Variants in STX17 observed in about 807,000 individuals in gnomAD.
STX17 encodes syntaxin 17.
In STX17, 29 loss-of-function variants were observed where a neutral mutation model predicts 35.9. The ratio of observed to expected loss-of-function variants is 0.81; its 90% CI spans 0.60 to 1.10. The LOEUF is 1.10. STX17 is among the 50% of genes least tolerant of loss of function. The probability of loss-of-function intolerance (pLI) is 0.00; values close to 1 mark genes in which losing one functional copy is unlikely to be tolerated. For synonymous variants in STX17, 92 were observed against 118.3 expected (o/e 0.78, Z 1.44); for missense variants, 312 against 352.3 (o/e 0.89, Z 0.92).
chr9:99,913,978 T>TC (rs1796859234), intron 1 of STX17: 1 of 151,530 alleles, frequency 6.6e-6, no homozygotes, highest in African/African-American at 2.4e-5. Flanking sequence ...TTTTCTTTTT[T>TC]TTTTTTTGTA....
Position 99,951,043 on chromosome 9 carries a change from A to AT in STX17, c.190-10dup. 2 of 1,584,504 alleles carry AT rather than the reference A, an allele frequency of 1.3e-6. No homozygotes were observed. Among genetic ancestry groups the AT allele is most frequent in the Non-Finnish European group, 1.7e-6 (2 of 1,167,000 alleles). On this transcript the variant is annotated splice_polypyrimidine_tract_variant and intron_variant, in intron 3 of 7. Transcript: ENST00000259400. ...ATACTAAGAAATGGTGGCATTAATG[A>AT]TTTTTTTCTTTTATAGCAACTCCGA...
At chr9:99,932,423 A>G (rs1395776863) in intron 3 of STX17, among the ~76,000 whole-genome samples, 1 of 152,102 alleles carries the variant, frequency 6.6e-6, no homozygotes, top group Non-Finnish European at 1.5e-5. Flanking sequence ...TGCTAATTAG[A>G]TGATAGGTCT....
chr9:99,915,529 A>G (rs751126656), intron 2 of STX17, among the ~76,000 whole-genome samples, 167 bp downstream of exon 2: 2 of 152,208 alleles, frequency 1.3e-5, no homozygotes, highest in African/African-American at 2.4e-5. Context: ...TCTGTTCTGC[A>G]TATATACCTC....
At chr9:99,935,320 A>T (rs534689307) in intron 3 of STX17, among the ~76,000 whole-genome samples, 2 of 117,286 alleles carry the variant, frequency 1.7e-5, no homozygotes, top group South Asian at 5.6e-4. Flanking sequence ...ACAGAGCGAC[A>T]CTCCATCTCA....
intron 3 of STX17, among the ~76,000 whole-genome samples, chr9:99,931,169 C>T (rs1013598680): frequency 3.9e-5 from 6 of 151,990 alleles, no homozygotes; most frequent in Admixed American, 2.0e-4. Context: ...TTAGTAGAAA[C>T]GGGGTTTCAC....
intron 3 of STX17, chr9:99,945,775 T>G: frequency 2.6e-6 from 1 of 382,752 alleles, no homozygotes; most frequent in South Asian, 1.9e-5. Flanking sequence ...GAACAAAAAT[T>G]TTTTTTTTTT....
chr9:99,928,713 G>C (rs1471925999), intron 2 of STX17, 65 bp from the exon 3 acceptor site: 2 of 1,430,702 alleles, frequency 1.4e-6, no homozygotes, highest in African/African-American at 2.8e-5. Flanking sequence ...GGGGATTTTT[G>C]TGGTAATGGG....
intron 4 of STX17, among the ~76,000 whole-genome samples, chr9:99,958,753 A>G (rs781647887): frequency 7.2e-5 from 11 of 152,246 alleles, no homozygotes; most frequent in Non-Finnish European, 1.6e-4. Flanking sequence ...TGTCAACTCA[A>G]TGAATGAATG....
intron 3 of STX17, among the ~76,000 whole-genome samples, chr9:99,950,449 T>A (rs975527266): frequency 1.6e-4 from 24 of 151,856 alleles, no homozygotes; most frequent in Non-Finnish European, 1.3e-4. Flanking sequence ...ATATAGTAAA[T>A]TAGGACTTAT....
At chr9:99,942,368 A>G (rs187862649) in intron 3 of STX17, among the ~76,000 whole-genome samples, 3 of 152,258 alleles carry the variant, frequency 2.0e-5, no homozygotes, top group East Asian at 1.9e-4. Context: ...TGTTGCAGAT[A>G]TCTTCTGCCA....
chr9:99,973,865 C>G lies in STX17; in HGVS notation c.*5192C>G, dbSNP rs1830058620. ...TTCTACGTTCTGGCCCCAGCTTTAT[C>G]TCTTGAAACTCACTACTCACCATCT... On this transcript the variant is annotated 3_prime_UTR_variant, in exon 8 of 8. Transcript: ENST00000259400. Among the ~76,000 whole-genome samples the G allele has an allele frequency of 6.6e-6, 1 of 152,156 alleles. No homozygotes were observed. Among genetic ancestry groups the G allele is most frequent in the Non-Finnish European group, 1.5e-5 (1 of 68,024 alleles).
intron 7 of STX17, 35 bp downstream of exon 7, chr9:99,967,774 C>G (rs1477854103): frequency 1.3e-6 from 2 of 1,579,978 alleles, no homozygotes; most frequent in Non-Finnish European, 1.7e-6. Flanking sequence ...ATCAATGGTA[C>G]TCTGGCTCCC....
intron 3 of STX17, among the ~76,000 whole-genome samples, chr9:99,950,106 T>C (rs1431978074): frequency 6.6e-6 from 1 of 151,902 alleles, no homozygotes; most frequent in Non-Finnish European, 1.5e-5. Flanking sequence ...CATAATTCAT[T>C]ATAGCAACAT....
At chr9:99,928,431 A>G (rs574560475) in intron 2 of STX17, among the ~76,000 whole-genome samples, 1 of 152,216 alleles carries the variant, frequency 6.6e-6, no homozygotes, top group East Asian at 1.9e-4. Context: ...TATCTTATGA[A>G]CACTGTTCTT....
intron 1 of STX17, among the ~76,000 whole-genome samples, chr9:99,912,138 A>G (rs1828678721): frequency 6.6e-6 from 1 of 152,070 alleles, no homozygotes; most frequent in South Asian, 2.1e-4. Context: ...AGGCAGGAGA[A>G]CTGCTTGAAC....
chr9:99,950,906 C>T (rs1273475618), intron 3 of STX17, among the ~76,000 whole-genome samples, 154 bp from the exon 4 acceptor site: 1 of 151,830 alleles, frequency 6.6e-6, no homozygotes, highest in African/African-American at 2.4e-5. Context: ...TTTGGCCAGC[C>T]AGAGACATGG....
chr9:99,921,671 GT>G (rs1352749775), intron 2 of STX17, among the ~76,000 whole-genome samples: 1 of 151,216 alleles, frequency 6.6e-6, no homozygotes, highest in African/African-American at 2.4e-5. Context: ...AGCCTGCAGT[GT>G]TTTAAATATA....
At chr9:99,958,407 AAT>A (rs1829756412) in intron 4 of STX17, among the ~76,000 whole-genome samples, 1 of 152,224 alleles carries the variant, frequency 6.6e-6, no homozygotes, top group Non-Finnish European at 1.5e-5. Context: ...CTTGACTATT[AAT>A]ATGTCTGTAT....
At chr9:99,927,679 G>C (rs1323307497) in intron 2 of STX17, among the ~76,000 whole-genome samples, 1 of 152,122 alleles carries the variant, frequency 6.6e-6, no homozygotes, top group Non-Finnish European at 1.5e-5. Context: ...GTTTCACCAT[G>C]TTGGCCAGGC....
Sources: gnomAD v4.1 joint callset for allele counts (sites outside exome capture counted in the v4.1 genomes callset) on GRCh38, gnomAD v4.1.1 for gene constraint, MANE v1.5 for transcripts, NCBI Gene and HGNC (gene_info 2026-07-23, HGNC 2026-07-21) for gene names.